The following JAK1 variants were observed in gnomAD, a reference collection of about 807,000 sequenced individuals.
JAK1 encodes Janus kinase 1, also known as tyrosine-protein kinase JAK1.
A neutral mutation model predicts 136.6 loss-of-function variants in JAK1; 16 were observed. That is an observed-to-expected ratio of 0.12 (90% confidence interval 0.08 to 0.18). JAK1 has a LOEUF of 0.18. JAK1 is among the 10% of genes least tolerant of loss of function. JAK1 has a pLI of 1.00. For synonymous variants in JAK1, 492 were observed against 519.5 expected (o/e 0.95, Z 0.72); for missense variants, 859 against 1,450.1 (o/e 0.59, Z 6.62).
At chr1:64,873,675 TTTCC>T in intron 4 of JAK1, 152 bp from the exon 5 acceptor site, 1 of 786,272 alleles carries the variant, frequency 1.3e-6, no homozygotes, top group Non-Finnish European at 2.1e-6. Flanking sequence ...TCACCATCTC[TTTCC>T]TTCTTACTAG....
intron 1 of JAK1, chr1:64,942,467 C>G (rs777756716): frequency 3.3e-5 from 5 of 152,086 alleles, no homozygotes; most frequent in Admixed American, 6.5e-5. Flanking sequence ...AGACTTGATG[C>G]TAGGTTATCT....
At chr1:64,868,436 T>A (rs1191974505) in intron 6 of JAK1, among the ~76,000 whole-genome samples, 1 of 152,192 alleles carries the variant, frequency 6.6e-6, no homozygotes, top group Non-Finnish European at 1.5e-5. Flanking sequence ...TAGATTAATG[T>A]AATATAACAG....
At chr1:64,909,558 C>T (rs1282571881) in intron 1 of JAK1, among the ~76,000 whole-genome samples, 4 of 151,874 alleles carry the variant, frequency 2.6e-5, no homozygotes, top group South Asian at 2.1e-4. Context: ...CAGTGGCTCC[C>T]GCTTGTAATC....
At chr1:65,008,254 G>C (rs772894689) in intron 2 of JAK1, among the ~76,000 whole-genome samples, 2 of 152,098 alleles carry the variant, frequency 1.3e-5, no homozygotes, top group Admixed American at 1.3e-4. Context: ...AGAAAAGCCC[G>C]GGCAAAAGCC....
At chr1:65,051,646 T>C (rs983621475) in intron 1 of JAK1, among the ~76,000 whole-genome samples, 3 of 152,108 alleles carry the variant, frequency 2.0e-5, no homozygotes, top group Non-Finnish European at 2.9e-5. Flanking sequence ...AAAAAACCAA[T>C]GGGAGTCTAA....
At chr1:64,931,575 C>T (rs375719992) in intron 1 of JAK1, among the ~76,000 whole-genome samples, 1 of 152,010 alleles carries the variant, frequency 6.6e-6, no homozygotes, top group Admixed American at 6.5e-5. Context: ...GCAATTACTA[C>T]GCTCCAGGGG....
intron 1 of JAK1, among the ~76,000 whole-genome samples, chr1:65,051,031 G>C (rs967193786): frequency 3.3e-5 from 5 of 152,170 alleles, no homozygotes; most frequent in African/African-American, 9.7e-5. Context: ...GAAATAAAAG[G>C]AGAAAGGGAA....
intron 1 of JAK1, among the ~76,000 whole-genome samples, chr1:64,951,297 G>A (rs1471072469): frequency 1.3e-5 from 2 of 152,148 alleles, no homozygotes; most frequent in Non-Finnish European, 2.9e-5. Flanking sequence ...TCATCAGATT[G>A]GCAACTGTGT....
At chr1:65,013,003 G>A (rs1458653051) in intron 2 of JAK1, among the ~76,000 whole-genome samples, 2 of 150,908 alleles carry the variant, frequency 1.3e-5, no homozygotes, top group South Asian at 2.1e-4. Context: ...GGTTGAGGCA[G>A]GAGAATGGCG....
At position 64,844,356 on chromosome 1, in the gene JAK1, C is replaced by A; in HGVS notation, c.2252-141G>T. On this transcript the variant is annotated intron_variant, in intron 16 of 24. Coordinates refer to ENST00000342505, the MANE Select transcript of JAK1 (RefSeq NM_002227.4). The surrounding 1 kb of genome is among the most constrained non-coding windows in gnomAD (Gnocchi z 5.7). The stretch of plus-strand genomic sequence containing the variant: ...CAAACATGGCCCATGGCCACATAGG[C>A]CCTGTGCGGGGGGCCTGCAGGCGTG... 1 of 1,119,558 alleles carries A rather than the reference C, an allele frequency of 8.9e-7. No individual in the cohort carries two copies. Among genetic ancestry groups the A allele is most frequent in the Non-Finnish European group, 1.3e-6 (1 of 759,974 alleles). The allele number at this position is 1,119,558 out of a possible 1,614,324, so 69.4% of individuals were successfully genotyped here. A position where few individuals can be genotyped will look rare whatever the true frequency, so the allele number is the denominator to read the frequency against.
intron 1 of JAK1, among the ~76,000 whole-genome samples, chr1:64,935,536 C>G (rs533107872): frequency 1.8e-4 from 27 of 151,928 alleles, no homozygotes; most frequent in Non-Finnish European, 3.2e-4. Flanking sequence ...CTCCTGACCT[C>G]GTGATCTGCC....
At chr1:65,010,042 T>C (rs190445047) in intron 2 of JAK1, among the ~76,000 whole-genome samples, 82 of 152,330 alleles carry the variant, frequency 5.4e-4, no homozygotes, top group Non-Finnish European at 8.5e-4. Context: ...ATTTTGTTGC[T>C]GATATATCCT....
intron 2 of JAK1, chr1:64,992,386 T>C (rs972837529): frequency 5.7e-5 from 7 of 122,464 alleles, no homozygotes; most frequent in African/African-American, 1.8e-4. Context: ...TCTCAAAAAA[T>C]AAAAAATAAA....
intron 1 of JAK1, among the ~76,000 whole-genome samples, chr1:64,912,153 C>T (rs1430319832): frequency 6.6e-6 from 1 of 152,150 alleles, no homozygotes. Context: ...CCAATCCTTA[C>T]CCTACATCCA....
intron 12 of JAK1, among the ~76,000 whole-genome samples, chr1:64,849,461 G>A (rs1009593576): frequency 2.6e-5 from 4 of 152,322 alleles, no homozygotes; most frequent in East Asian, 1.9e-4. Context: ...CTCTCAAAGC[G>A]CTGGGACGAC....
At chr1:64,839,539 T>C in intron 20 of JAK1, 64 bp downstream of exon 20, 1 of 1,457,262 alleles carries the variant, frequency 6.9e-7, no homozygotes, top group Non-Finnish European at 9.4e-7. Context: ...TGTTTTGCAC[T>C]GGCCTTTATG....
intron 1 of JAK1, among the ~76,000 whole-genome samples, chr1:64,935,915 G>C (rs1382627491): frequency 2.0e-5 from 3 of 152,160 alleles, no homozygotes; most frequent in Non-Finnish European, 4.4e-5. Context: ...GATCCAGTAG[G>C]AACATCTTAG....
chr1:64,963,521 A>G (rs72677616), intron 1 of JAK1, among the ~76,000 whole-genome samples: 1 of 152,294 alleles, frequency 6.6e-6, no homozygotes, highest in Non-Finnish European at 1.5e-5. Flanking sequence ...CAAACCATCC[A>G]CAGGCGGCTT....
At chr1:65,049,519 G>A (rs928238594) in intron 1 of JAK1, among the ~76,000 whole-genome samples, 5 of 152,130 alleles carry the variant, frequency 3.3e-5, no homozygotes, top group African/African-American at 7.2e-5. Context: ...TTGGTCCCTA[G>A]AAGAACCACC....
Sources: allele counts gnomAD v4.1 joint callset (sites outside exome capture counted in the v4.1 genomes callset), GRCh38; gene constraint gnomAD v4.1.1; non-coding constraint Gnocchi (gnomAD v3.1); transcripts MANE v1.5; gene names NCBI Gene and HGNC (gene_info 2026-07-23, HGNC 2026-07-21).